Variants in GALNT13 observed in about 807,000 individuals in gnomAD.
The protein encoded by GALNT13 is UDP-GalNAc:polypeptide N-acetylgalactosaminyltransferase 13.
GALNT13 carries 28 observed loss-of-function variants against 64.2 expected under a neutral mutation model. That is an observed-to-expected ratio of 0.44 (90% CI 0.32 to 0.60). The LOEUF (loss-of-function observed/expected upper bound fraction) is 0.60, where lower values mean the gene tolerates loss of function less well. Among genes scored for constraint, GALNT13 ranks in the 20% least tolerant of loss-of-function variants. GALNT13 has a pLI of 0.05. For synonymous variants in GALNT13, 214 were observed against 224.6 expected, an observed-to-expected ratio of 0.95 and a Z score of 0.42; for missense variants, 577 against 669.8, an observed-to-expected ratio of 0.86 and a Z score of 1.53.
the GALNT13 span, among the ~76,000 whole-genome samples, chr2:153,107,410 T>TAGA: frequency 1.3e-5 from 2 of 152,174 alleles, no homozygotes; most frequent in Admixed American, 6.6e-5. Flanking sequence ...TTAGCATACC[T>TAGA]AGAAGAAAGG....
the GALNT13 span, among the ~76,000 whole-genome samples, chr2:153,215,229 T>A: frequency 1.3e-5 from 2 of 152,096 alleles, no homozygotes; most frequent in Admixed American, 6.6e-5. Flanking sequence ...AAATTCTCAT[T>A]GTTCTCAACC....
the GALNT13 span, among the ~76,000 whole-genome samples, chr2:153,334,607 C>A: frequency 6.6e-6 from 1 of 151,820 alleles, no homozygotes; most frequent in Non-Finnish European, 1.5e-5. Context: ...AATCTTAGAA[C>A]CAAACCGAAA....
At chr2:153,161,903 TGG>T in the GALNT13 span, among the ~76,000 whole-genome samples, 7 of 152,230 alleles carry the variant, frequency 4.6e-5, no homozygotes, top group Non-Finnish European at 1.0e-4. Flanking sequence ...TCTAAGCATA[TGG>T]AAAGAATGGC....
At chr2:153,299,457 T>G in the GALNT13 span, among the ~76,000 whole-genome samples, 1 of 152,204 alleles carries the variant, frequency 6.6e-6, no homozygotes, top group Non-Finnish European at 1.5e-5. Context: ...TAGGAACTGT[T>G]AGTCAACCCA....
At chr2:153,540,016 G>A in the GALNT13 span, among the ~76,000 whole-genome samples, 1 of 152,188 alleles carries the variant, frequency 6.6e-6, no homozygotes, top group Non-Finnish European at 1.5e-5. Flanking sequence ...AAGTAATGAG[G>A]AGCCAAATGT....
At chr2:154,063,960 C>A (rs535129363) in intron 3 of GALNT13, among the ~76,000 whole-genome samples, 2 of 152,220 alleles carry the variant, frequency 1.3e-5, no homozygotes, top group African/African-American at 4.8e-5. Flanking sequence ...TAACTTCATG[C>A]CATTGAAAGA....
intron 3 of GALNT13, among the ~76,000 whole-genome samples, 169 bp from the exon 4 acceptor site, chr2:154,140,168 T>G (rs1683176598): frequency 6.6e-6 from 1 of 152,106 alleles, no homozygotes; most frequent in Admixed American, 6.6e-5. Context: ...GAATTGATGT[T>G]TTTCTTTAGC....
At chr2:153,326,707 C>T in the GALNT13 span, among the ~76,000 whole-genome samples, 1 of 152,108 alleles carries the variant, frequency 6.6e-6, no homozygotes, top group African/African-American at 2.4e-5. Flanking sequence ...TCAGCATTTG[C>T]TTGTCTGTAA....
At chr2:153,791,725 A>G in the GALNT13 span, among the ~76,000 whole-genome samples, 605 of 152,304 alleles carry the variant, frequency 4.0e-3, 12 homozygotes, top group Non-Finnish European at 3.1e-3. Context: ...TGTCTACACC[A>G]TGGAATACTA....
At chr2:153,795,601 A>C in the GALNT13 span, among the ~76,000 whole-genome samples, 1 of 152,042 alleles carries the variant, frequency 6.6e-6, no homozygotes, top group Non-Finnish European at 1.5e-5. Context: ...CAAACTTTGG[A>C]AGTTTACTTT....
At chr2:154,125,296 T>A (rs1285000087) in intron 3 of GALNT13, among the ~76,000 whole-genome samples, 1 of 152,036 alleles carries the variant, frequency 6.6e-6, no homozygotes, top group Non-Finnish European at 1.5e-5. Context: ...GTAGGTGAGG[T>A]AGAGCTATGG....
At chr2:153,603,750 A>G in the GALNT13 span, among the ~76,000 whole-genome samples, 2 of 152,090 alleles carry the variant, frequency 1.3e-5, no homozygotes, top group South Asian at 2.1e-4. Context: ...ATGCAAGTTC[A>G]ACATTAGATT....
the GALNT13 span, chr2:153,446,739 C>T: frequency 2.6e-5 from 4 of 152,118 alleles, no homozygotes; most frequent in African/African-American, 4.8e-5. Flanking sequence ...ACTCTGGATT[C>T]GAACCCAGTA....
chr2:153,305,893 G>A, the GALNT13 span, among the ~76,000 whole-genome samples: 6 of 152,286 alleles, frequency 3.9e-5, no homozygotes, highest in Admixed American at 2.0e-4. Context: ...CCAGGAAAAT[G>A]TTTGCTAAAG....
the GALNT13 span, among the ~76,000 whole-genome samples, chr2:153,260,948 C>G: frequency 6.6e-6 from 1 of 152,082 alleles, no homozygotes; most frequent in Non-Finnish European, 1.5e-5. Context: ...TACAAGCTCA[C>G]TAATTCTTTT....
At chr2:154,268,636 CAG>C (rs148641491) in intron 8 of GALNT13, among the ~76,000 whole-genome samples, 99 of 148,408 alleles carry the variant, frequency 6.7e-4, no homozygotes, top group African/African-American at 1.2e-3. Flanking sequence ...GAGAGAGAGA[CAG>C]AGAGAGAGAG....
intron 11 of GALNT13, among the ~76,000 whole-genome samples, chr2:154,435,438 G>A (rs1406762272): frequency 6.6e-6 from 1 of 152,166 alleles, no homozygotes; most frequent in African/African-American, 2.4e-5. Context: ...GTGGAGTAGT[G>A]AGATGGAAAA....
At chr2:153,953,793 A>G (rs141584375) in intron 3 of GALNT13, among the ~76,000 whole-genome samples, 1 of 152,218 alleles carries the variant, frequency 6.6e-6, no homozygotes, top group African/African-American at 2.4e-5. Context: ...CTTCTCTGGC[A>G]TTTTAAGTTG....
At chr2:153,554,852 T>C in the GALNT13 span, among the ~76,000 whole-genome samples, 1 of 152,160 alleles carries the variant, frequency 6.6e-6, no homozygotes, top group Non-Finnish European at 1.5e-5. Context: ...TCTTTTTATA[T>C]CCTTTTAAAA....
Sources: gnomAD v4.1 joint callset for allele counts (sites outside exome capture counted in the v4.1 genomes callset) on GRCh38, gnomAD v4.1.1 for gene constraint, MANE v1.5 for transcripts, NCBI Gene and HGNC (gene_info 2026-07-23, HGNC 2026-07-21) for gene names.